The following PIH1D2 variants were observed in gnomAD, a reference collection of about 807,000 sequenced individuals.
PIH1D2 encodes the protein PIH1 domain containing 2, also known as PIH1 domain-containing protein 2.
A neutral mutation model predicts 31.2 loss-of-function variants in PIH1D2; 25 were observed. The ratio of observed to expected loss-of-function variants is 0.80; its 90% CI spans 0.58 to 1.12. The LOEUF (loss-of-function observed/expected upper bound fraction) is 1.12. Ranked by LOEUF, PIH1D2 falls within the 50% of genes most tolerant of loss-of-function variation. The pLI is 0.00. For missense variants in PIH1D2, 310 were observed against 356.6 expected (o/e 0.87, Z 1.05); for synonymous variants, 116 against 119.9 (o/e 0.97, Z 0.21).
At chr11:112,062,323 G>T, downstream of PIH1D2, 1 of 1,450,284 alleles carries the variant, frequency 6.9e-7, no homozygotes, top group Non-Finnish European at 9.6e-7. Flanking sequence ...GGATTATAGG[G>T]TAGGAGTGAG....
At chr11:112,063,734 A>G (rs943431856), downstream of PIH1D2, 1 of 152,222 alleles carries the variant, frequency 6.6e-6, no homozygotes, top group Non-Finnish European at 1.5e-5. Context: ...ACTTTTTTCT[A>G]TTTTGTTAGA....
chr11:112,064,729 T>C (rs587622298), downstream of PIH1D2, among the ~76,000 whole-genome samples: 8 of 152,038 alleles, frequency 5.3e-5, no homozygotes, highest in African/African-American at 1.4e-4. Flanking sequence ...ATTAGAGAGA[T>C]AGGAGGAATG....
downstream of PIH1D2, chr11:112,064,526 C>T (rs1317749762): frequency 3.9e-6 from 1 of 257,660 alleles, no homozygotes; most frequent in South Asian, 8.9e-5. Flanking sequence ...ATATGGACTA[C>T]ATTTAGGAGA....
chr11:112,053,258 G>A, the PIH1D2 span, among the ~76,000 whole-genome samples: 1 of 152,058 alleles, frequency 6.6e-6, no homozygotes, highest in Non-Finnish European at 1.5e-5. Flanking sequence ...GGAGGTGGAG[G>A]TTGCAGTGAA....
chr11:112,060,453 C>G (rs1358759940), downstream of PIH1D2, among the ~76,000 whole-genome samples: 1 of 151,800 alleles, frequency 6.6e-6, no homozygotes, highest in Non-Finnish European at 1.5e-5. Flanking sequence ...AGCCACCACG[C>G]CCAGCGTAAT....
At chr11:112,061,302 CTGATA>C, downstream of PIH1D2, 1 of 925,790 alleles carries the variant, frequency 1.1e-6, no homozygotes, top group Middle Eastern at 2.1e-4. Flanking sequence ...GCTCAAGTCC[CTGATA>C]TGATATGATG....
At chr11:112,068,994 T>TTG (rs1555184209) in intron 5 of PIH1D2, among the ~76,000 whole-genome samples, 2 of 146,508 alleles carry the variant, frequency 1.4e-5, no homozygotes, top group African/African-American at 5.2e-5. Flanking sequence ...TTTTTTTTTT[T>TTG]TTTGTTTTTT....
chr11:112,071,810 A>T, intron 2 of PIH1D2, 52 bp from the exon 3 acceptor site: 1 of 1,597,870 alleles, frequency 6.3e-7, no homozygotes, highest in Non-Finnish European at 8.6e-7. Flanking sequence ...AAACCATTTA[A>T]GGCCAGGCAT....
chr11:112,064,130 G>T, downstream of PIH1D2: 2 of 1,467,484 alleles, frequency 1.4e-6, no homozygotes, highest in Non-Finnish European at 9.2e-7. Context: ...TTATCACAAG[G>T]GACCATCATC....
downstream of PIH1D2, chr11:112,063,226 G>C (rs1223788566): frequency 2.6e-5 from 4 of 152,232 alleles, no homozygotes; most frequent in South Asian, 2.1e-4. Context: ...GAGAATTTGT[G>C]TGGATATTTA....
intron 1 of PIH1D2, among the ~76,000 whole-genome samples, chr11:112,073,456 T>A (rs1281139751): frequency 1.3e-5 from 2 of 152,152 alleles, no homozygotes; most frequent in Non-Finnish European, 2.9e-5. Flanking sequence ...GTCAGAGTAA[T>A]CATTTTAAGT....
chr11:112,073,742 T>C (rs1865225870), intron 1 of PIH1D2, among the ~76,000 whole-genome samples: 1 of 152,182 alleles, frequency 6.6e-6, no homozygotes, highest in South Asian at 2.1e-4. Flanking sequence ...AGTAAGCTAA[T>C]AGAGAGGCTG....
chr11:112,063,801 G>T, downstream of PIH1D2: 1 of 164,590 alleles, frequency 6.1e-6, no homozygotes, highest in Non-Finnish European at 1.3e-5. Context: ...AAATGAATTG[G>T]GAACATTATC....
the PIH1D2 span, among the ~76,000 whole-genome samples, chr11:112,057,839 T>C: frequency 1.3e-5 from 2 of 151,830 alleles, no homozygotes; most frequent in East Asian, 1.9e-4. Context: ...CAGCAAAAAA[T>C]TACAATTCAC....
chr11:112,055,943 T>C, the PIH1D2 span, among the ~76,000 whole-genome samples: 1 of 137,248 alleles, frequency 7.3e-6, no homozygotes, highest in Admixed American at 7.7e-5. Context: ...TCTCCGCTCA[T>C]TGCAACCTCC....
chr11:112,068,988 TTTTTTTTTTG>T (rs1865023799), intron 5 of PIH1D2, among the ~76,000 whole-genome samples: 1 of 140,172 alleles, frequency 7.1e-6, no homozygotes, highest in African/African-American at 3.0e-5. Flanking sequence ...TTTTGTTTTT[TTTTTTTTTTG>T]TTTTTTTTTT....
intron 5 of PIH1D2, 142 bp downstream of exon 5, chr11:112,070,294 C>A (rs1865067625): frequency 2.0e-6 from 2 of 983,120 alleles, no homozygotes; most frequent in South Asian, 1.7e-5. Context: ...AATGGCACAT[C>A]TCAGAAGGGA....
chr11:112,062,410 G>T, downstream of PIH1D2: 1 of 1,612,408 alleles, frequency 6.2e-7, no homozygotes, highest in Non-Finnish European at 8.5e-7. Flanking sequence ...TTCTAGGTTT[G>T]ATGTGGCTAG....
chr11:112,073,238 G>A, intron 1 of PIH1D2, 33 bp from the exon 2 acceptor site: 1 of 1,406,830 alleles, frequency 7.1e-7, no homozygotes, highest in East Asian at 2.3e-5. Flanking sequence ...GAAGAAAACT[G>A]TCTGTGTAAT....
Sources: allele counts gnomAD v4.1 joint callset (sites outside exome capture counted in the v4.1 genomes callset), GRCh38; gene constraint gnomAD v4.1.1; transcripts MANE v1.5; gene names NCBI Gene and HGNC (gene_info 2026-07-23, HGNC 2026-07-21).